The following SLC29A4 variants were observed in gnomAD, a reference collection of about 807,000 sequenced individuals.
SLC29A4 encodes the protein solute carrier family 29 member 4.
Under a neutral mutation model 43.9 loss-of-function variants are expected in SLC29A4, and 36 were observed. The ratio of observed to expected loss-of-function variants is 0.82; its 90% confidence interval spans 0.63 to 1.08. SLC29A4 has a LOEUF of 1.08. Among genes scored for constraint, SLC29A4 ranks in the 50% least tolerant of loss-of-function variants. The probability of loss-of-function intolerance (pLI) is 0.00; values close to 1 mark genes in which losing one functional copy is unlikely to be tolerated. For synonymous variants in SLC29A4, 491 were observed against 338.0 expected (o/e 1.45, Z -4.97); for missense variants, 869 against 755.3 (o/e 1.15, Z -1.77).
intron 6 of SLC29A4, among the ~76,000 whole-genome samples, chr7:5,295,826 G>C (rs1005239565): frequency 1.4e-5 from 2 of 147,208 alleles, no homozygotes; most frequent in African/African-American, 2.5e-5. Flanking sequence ...TGGTGTGGCC[G>C]AGCGAGAGAG....
chr7:5,296,937 C>T lies in SLC29A4; in HGVS notation c.621C>T (p.Ser207=). 1 of 1,536,494 alleles carries T rather than the reference C, an allele frequency of 6.5e-7. No homozygotes were observed. The highest frequency in any genetic ancestry group is 1.1e-5 in the South Asian group (1 of 87,540). ...RYTQGVMTGE[S]TAGVMISLSR... ...CGGCCCACTGTGCACGCCCCCCAGG[C>T]ACGGCGGGCGTGATGATCTCTCTGA... The change falls in exon 7 of 11, where the codon AGC becomes AGT. Residue 207 remains serine, a splice_region_variant and synonymous_variant. Coordinates refer to ENST00000396872, the MANE Select transcript of SLC29A4 (RefSeq NM_153247.4).
intron 2 of SLC29A4, 111 bp downstream of exon 2, chr7:5,288,096 G>A: frequency 3.7e-6 from 5 of 1,352,310 alleles, no homozygotes; most frequent in South Asian, 1.5e-5. Flanking sequence ...ATGGAGGACT[G>A]GAGGCAGTGC....
chr7:5,302,012 A>G (rs1314843863), intron 10 of SLC29A4, among the ~76,000 whole-genome samples: 3 of 152,028 alleles, frequency 2.0e-5, no homozygotes, highest in African/African-American at 4.8e-5. Flanking sequence ...GTGCAGTGGC[A>G]CGATCTCAGC....
At chr7:5,291,638 G>T (rs1785315781) in intron 4 of SLC29A4, 55 bp from the exon 5 acceptor site, 2 of 1,534,440 alleles carry the variant, frequency 1.3e-6, no homozygotes, top group Non-Finnish European at 8.8e-7. Flanking sequence ...CGAGGAGGAG[G>T]GGGACCCCAC....
intron 1 of SLC29A4, among the ~76,000 whole-genome samples, chr7:5,284,924 G>A (rs1324039608): frequency 1.3e-5 from 2 of 152,218 alleles, no homozygotes; most frequent in Non-Finnish European, 2.9e-5. Flanking sequence ...GGCACTGCAC[G>A]TCCAGGGAAG....
rs750991957 is a variant in SLC29A4, at chr7:5,297,172, G to A, written c.856G>A (p.Asp286Asn). Residue 286 changes from aspartate (D) to asparagine (N), a missense_variant, in exon 7 of 11, where the codon GAC becomes AAC. By Grantham distance (23) the Asp-to-Asn change is conservative (BLOSUM62 1). Transcript: ENST00000396872. ...GRGYGYRVHH[D>N]VVAGDVHFEH... is the part of the protein sequence containing the mutation. ...GGGCTATGGCTACCGCGTGCACCAC[G>A]ACGTTGTCGCCGGGGACGTCCACTT... 3.8e-6 allele frequency: 6 copies of A among 1,595,170 alleles called. 1 individual carries two copies. The South Asian group carries it at 6.6e-5, about 18-fold the overall frequency.
chr7:5,302,902 C>T lies in SLC29A4; in HGVS notation c.1556C>T (p.Ala519Val), dbSNP rs148653061. Residue 519 changes from alanine (A) to valine (V), a missense_variant, in exon 11 of 11, where the codon GCC (alanine) becomes GTC (valine). Coordinates refer to ENST00000396872, the MANE Select transcript of SLC29A4 (RefSeq NM_153247.4). The part of the protein sequence containing the change: ...TRDAHGSCLH[A>V]STANGSILAG... ...GACGCTCACGGCAGCTGCCTGCACGCCTCCACCGCCAATGGTTCCATCCTC... is the reference window on the plus strand; with the variant it reads ...GACGCTCACGGCAGCTGCCTGCACGTCTCCACCGCCAATGGTTCCATCCTC... 3.0e-3 allele frequency: 4,830 copies of T among 1,607,064 alleles called. 9 individuals carry two copies. The highest frequency in any genetic ancestry group is 3.7e-3 in the Non-Finnish European group (4,347 of 1,177,678).
intron 1 of SLC29A4, among the ~76,000 whole-genome samples, chr7:5,285,796 G>C: frequency 6.6e-6 from 1 of 152,136 alleles, no homozygotes; most frequent in Non-Finnish European, 1.5e-5. Context: ...AAGATCACTT[G>C]AGCCCAGGAG....
Position 5,288,581 on chromosome 7 carries a change from C to T in SLC29A4, c.169+596C>T, listed in dbSNP as rs147413004. Among the ~76,000 whole-genome samples, 1,423 of 152,064 alleles carry T rather than the reference C, an allele frequency of 9.4e-3. 27 individuals are homozygous for T. The highest frequency in any genetic ancestry group is 0.032 in the African/African-American group (1,342 of 41,428). On this transcript the variant is annotated intron_variant, in intron 2 of 10. Coordinates refer to ENST00000396872, the MANE Select transcript of SLC29A4 (RefSeq NM_153247.4). ...TGCTAGGATTACAGGCTTGAGCCAC[C>T]GCGCCCGTCCGCTGACCCATAAAGC...
intron 1 of SLC29A4, among the ~76,000 whole-genome samples, chr7:5,286,721 G>A (rs538334385): frequency 1.1e-4 from 17 of 152,066 alleles, no homozygotes; most frequent in Admixed American, 3.9e-4. Flanking sequence ...AGAACTTCCC[G>A]CCATAAGGGT....
intron 7 of SLC29A4, among the ~76,000 whole-genome samples, chr7:5,297,936 C>T (rs1785830911): frequency 6.6e-6 from 1 of 152,154 alleles, no homozygotes; most frequent in African/African-American, 2.4e-5. Context: ...CCTGGGCAGG[C>T]AGACGTCCTT....
At chr7:5,301,365 C>G (rs965611850) in intron 10 of SLC29A4, among the ~76,000 whole-genome samples, 3 of 151,908 alleles carry the variant, frequency 2.0e-5, no homozygotes, top group African/African-American at 7.3e-5. Context: ...ATGGGAGAGT[C>G]AGGCTCGGGA....
rs186607160 is a variant in SLC29A4, at chr7:5,295,268, G to A, written c.619+334G>A. Among the ~76,000 whole-genome samples, 45 of 151,526 alleles carry A rather than the reference G, an allele frequency of 3.0e-4. No homozygotes were observed. The East Asian group carries it at 6.6e-3, about 22-fold the overall frequency. ...TGCGTGTGCGCGTGTGTTAGGAGGT[G>A]GGCCCCGTCCATGGCCGTGATGTCA... is the stretch of plus-strand genomic sequence containing the variant. On this transcript the variant is annotated intron_variant, in intron 6 of 10. Transcript: ENST00000396872.
At chr7:5,285,827 C>A (rs1303475554) in intron 1 of SLC29A4, among the ~76,000 whole-genome samples, 1 of 152,074 alleles carries the variant, frequency 6.6e-6, no homozygotes, top group African/African-American at 2.4e-5. Flanking sequence ...CTATGGGCAA[C>A]ACAGTGAGAC....
At position 5,302,864 on chromosome 7, in the gene SLC29A4, C is replaced by G. The variant is rs371304076; in HGVS notation, c.1518C>G (p.Tyr506Ter). The G allele has an allele frequency of 3.7e-6, 6 of 1,601,422 alleles. No homozygotes were observed. The African/African-American group carries it at 5.4e-5, about 14-fold the overall frequency. The change falls in exon 11 of 11, where the codon TAC (tyrosine) becomes TAG (stop). Residue 506 changes from tyrosine (Y) to a stop codon, truncating the protein, a stop_gained. Coordinates refer to ENST00000396872, the MANE Select transcript of SLC29A4 (RefSeq NM_153247.4). LOFTEE classifies it low-confidence loss of function (END_TRUNC). ...GGTCCGCCGTGGCCTACTGCACCTA[C>G]AGCCTCACCCGCGACGCTCACGGCA... The part of the protein sequence containing the change: ...TLGSAVAYCT[Y>*]SLTRDAHGSC...
Position 5,291,837 on chromosome 7 carries a change from C to CAAGGGGGA in SLC29A4, c.544+17_544+24dup, listed in dbSNP as rs750743094. 7.5e-6 allele frequency: 12 copies of CAAGGGGGA among 1,608,282 alleles called. No individual in the cohort carries two copies. Among genetic ancestry groups the CAAGGGGGA allele is most frequent in the Non-Finnish European group, 1.0e-5 (12 of 1,177,778 alleles). On this transcript the variant is annotated intron_variant, in intron 5 of 10. Transcript: ENST00000396872. Reference sequence around the variant, plus strand: ...GGCTGCACAGGTAGGAACCGGGGCCCAAGGGGGAGGCCTTGAGTGCCCACT... The same window carrying CAAGGGGGA: ...GGCTGCACAGGTAGGAACCGGGGCCCAAGGGGGAAAGGGGGAGGCCTTGAGTGCCCACT...
chr7:5,285,244 G>A (rs1433901629), intron 1 of SLC29A4, among the ~76,000 whole-genome samples: 2 of 152,160 alleles, frequency 1.3e-5, no homozygotes, highest in Non-Finnish European at 1.5e-5. Context: ...TCTGCTCTAA[G>A]CCCTGCTCGG....
At chr7:5,301,285 A>T (rs1012582014) in intron 10 of SLC29A4, among the ~76,000 whole-genome samples, 10 of 150,376 alleles carry the variant, frequency 6.7e-5, no homozygotes, top group African/African-American at 2.4e-4. Flanking sequence ...AAAATCCCAG[A>T]TCGGCGTGAC....
chr7:5,300,394 G>C (rs1406535268), intron 9 of SLC29A4, 28 bp from the exon 10 acceptor site: 4 of 1,610,012 alleles, frequency 2.5e-6, no homozygotes, highest in Non-Finnish European at 3.4e-6. Context: ...GGCCGGGACA[G>C]GGCGCCCACT....
Sources: allele counts gnomAD v4.1 joint callset (sites outside exome capture counted in the v4.1 genomes callset), GRCh38; gene constraint gnomAD v4.1.1; transcripts MANE v1.5; gene names NCBI Gene and HGNC (gene_info 2026-07-23, HGNC 2026-07-21).